DMD: variants seen among roughly 807,000 people sequenced by gnomAD.
DMD encodes dystrophin.
A neutral mutation model predicts 330.1 loss-of-function variants in DMD; 63 were observed. The ratio of observed to expected loss-of-function variants is 0.19; its 90% CI spans 0.16 to 0.24. The LOEUF is 0.24. Ranked by LOEUF, DMD falls within the 10% of genes least tolerant of loss-of-function variation. The pLI is 1.00. For missense variants in DMD, 3,344 were observed against 2,684.1 expected, an observed-to-expected ratio of 1.25 and a Z score of -5.43; for synonymous variants, 1,223 against 959.8, an observed-to-expected ratio of 1.27 and a Z score of -5.07.
intron 7 of DMD, among the ~76,000 whole-genome samples, chrX:32,723,938 G>A (rs1465994774): frequency 9.0e-6 from 1 of 111,039 alleles, no homozygotes; most frequent in Non-Finnish European, 1.9e-5. Context: ...TTACAGTTAG[G>A]CTGCATTCAA....
At chrX:33,292,510 A>G (rs1161071434) in intron 1 of DMD, among the ~76,000 whole-genome samples, 1 of 110,820 alleles carries the variant, frequency 9.0e-6, no homozygotes, top group African/African-American at 3.3e-5. Flanking sequence ...TTAAATTTGT[A>G]ATACAAATTA....
Position 32,304,749 on chromosome X carries a change from A to T in DMD, c.6117+5333T>A, listed in dbSNP as rs187786782. ...AAACAAATTATATTTATAACCAAAT[A>T]AATGTGTTGAAAAACTCAATTTTTC... On this transcript the variant is annotated intron_variant, in intron 42 of 78. Coordinates refer to ENST00000357033, the MANE Select transcript of DMD (RefSeq NM_004006.3). Among the ~76,000 whole-genome samples, 649 of 111,477 alleles carry T rather than the reference A, an allele frequency of 5.8e-3. 8 individuals carry two copies. The highest frequency in any genetic ancestry group is 0.015 in the South Asian group (40 of 2,726).
chrX:31,827,929 A>C (rs1211585832), intron 49 of DMD, among the ~76,000 whole-genome samples: 3 of 112,043 alleles, frequency 2.7e-5, no homozygotes, highest in Non-Finnish European at 5.6e-5. Context: ...GCTAAGAGGA[A>C]AGTTCATAGT....
intron 55 of DMD, chrX:31,508,440 G>A (rs2071170436): frequency 1.5e-5 from 5 of 339,649 alleles, no homozygotes; most frequent in African/African-American, 2.6e-5. Context: ...CAGGCGTGTG[G>A]ATGTGGGAGG....
Position 31,120,237 on chromosome X carries a change from C to T in DMD, c.*1682G>A. 1 of 111,997 alleles carries T rather than the reference C, an allele frequency of 8.9e-6. No homozygotes were observed. Among genetic ancestry groups the T allele is most frequent in the Non-Finnish European group, 1.9e-5 (1 of 53,049 alleles). 9.2% of individuals were successfully genotyped at this position (111,997 alleles called of 1,213,427 possible). A position where few individuals can be genotyped will look rare whatever the true frequency, so the allele number is the denominator to read the frequency against. On this transcript the variant is annotated 3_prime_UTR_variant, in exon 79 of 79. Transcript: ENST00000357033. ...TTTTTCCTACCAGTCCTTAGCTTTT[C>T]CTCTTGAGCTTTTCTCCTCTTTTTT...
chrX:32,716,606 T>C (rs908004331), intron 7 of DMD, among the ~76,000 whole-genome samples: 6 of 109,998 alleles, frequency 5.5e-5, no homozygotes, highest in African/African-American at 2.0e-4. Flanking sequence ...CATGAGAACG[T>C]GGAACTAACT....
At chrX:32,734,680 T>C (rs1156360340) in intron 7 of DMD, among the ~76,000 whole-genome samples, 1 of 109,518 alleles carries the variant, frequency 9.1e-6, no homozygotes, top group Non-Finnish European at 1.9e-5. Flanking sequence ...ATTATCTCCA[T>C]AGATGCAGAA....
At chrX:32,500,145 T>C (rs913829726) in intron 19 of DMD, among the ~76,000 whole-genome samples, 12 of 110,655 alleles carry the variant, frequency 1.1e-4, no homozygotes, top group Non-Finnish European at 1.1e-4. Context: ...TACCCCCCAG[T>C]GTTCCCTGGT....
intron 43 of DMD, among the ~76,000 whole-genome samples, chrX:32,244,191 A>G (rs187660219): frequency 0.016 from 1,529 of 97,783 alleles, 41 homozygotes; most frequent in African/African-American, 0.054. Flanking sequence ...CACCCCACCT[A>G]TGAGTGAGAA....
chrX:31,973,012 G>C (rs923098771), intron 44 of DMD, among the ~76,000 whole-genome samples: 1 of 111,810 alleles, frequency 8.9e-6, no homozygotes, highest in Non-Finnish European at 1.9e-5. Context: ...AGCCAATACT[G>C]TTTTCAGAGA....
intron 53 of DMD, among the ~76,000 whole-genome samples, chrX:31,662,979 C>T (rs1174985806): frequency 3.6e-5 from 4 of 111,313 alleles, no homozygotes; most frequent in African/African-American, 1.3e-4. Flanking sequence ...GTCGTTTGCT[C>T]TTAGATCCAT....
At chrX:32,683,761 T>C (rs1220472350) in intron 9 of DMD, among the ~76,000 whole-genome samples, 1 of 104,715 alleles carries the variant, frequency 9.5e-6, no homozygotes, top group East Asian at 3.0e-4. Context: ...ACCTGCACAT[T>C]GTGCACATGT....
chrX:32,846,907 C>T (rs757222407), intron 3 of DMD, among the ~76,000 whole-genome samples: 34 of 108,041 alleles, frequency 3.1e-4, no homozygotes, highest in Non-Finnish European at 5.7e-5. Flanking sequence ...CTTGGGAGGC[C>T]GAGGCAGGAA....
At chrX:31,700,465 C>A (rs1009286203) in intron 52 of DMD, among the ~76,000 whole-genome samples, 1 of 111,737 alleles carries the variant, frequency 8.9e-6, no homozygotes, top group Non-Finnish European at 1.9e-5. Flanking sequence ...TAAAAGTATG[C>A]TGAATATTCT....
upstream of DMD, among the ~76,000 whole-genome samples, chrX:33,213,788 T>G (rs1193782163): frequency 8.9e-6 from 1 of 111,737 alleles, no homozygotes; most frequent in Non-Finnish European, 1.9e-5. Flanking sequence ...CAATTCAGTA[T>G]CAAAACCAGG....
chrX:31,656,474 C>T (rs56770195), intron 54 of DMD, among the ~76,000 whole-genome samples: 1 of 111,791 alleles, frequency 8.9e-6, no homozygotes, highest in African/African-American at 3.2e-5. Context: ...AGTTTCATAC[C>T]ATGAGCAAGC....
At chrX:32,520,916 G>C (rs533006558) in intron 17 of DMD, among the ~76,000 whole-genome samples, 23 of 101,433 alleles carry the variant, frequency 2.3e-4, no homozygotes, top group South Asian at 9.6e-4. Context: ...TTTTATCAAA[G>C]CTCTGGCCCA....
intron 63 of DMD, among the ~76,000 whole-genome samples, chrX:31,234,565 C>A (rs932948983): frequency 8.9e-5 from 10 of 112,086 alleles, no homozygotes; most frequent in African/African-American, 3.2e-4. Context: ...CTTACTTAAG[C>A]ACCTATTATA....
At chrX:32,804,635 T>C (rs1338129810) in intron 7 of DMD, among the ~76,000 whole-genome samples, 3 of 112,360 alleles carry the variant, frequency 2.7e-5, no homozygotes, top group African/African-American at 9.7e-5. Flanking sequence ...AAGGGACAGA[T>C]TGCCTTCTCA....
Sources: gnomAD v4.1 joint callset for allele counts (sites outside exome capture counted in the v4.1 genomes callset) on GRCh38, gnomAD v4.1.1 for gene constraint, MANE v1.5 for transcripts, NCBI Gene and HGNC (gene_info 2026-07-23, HGNC 2026-07-21) for gene names.